The following MAPKBP1 variants were observed in gnomAD, a reference collection of about 807,000 sequenced individuals.
The protein encoded by MAPKBP1 is mitogen-activated protein kinase binding protein 1.
A neutral mutation model predicts 170.5 loss-of-function variants in MAPKBP1; 71 were observed. The observed-to-expected ratio is 0.42, with a 90% CI of 0.34 to 0.51. MAPKBP1 has a LOEUF of 0.51. Among genes scored for constraint, MAPKBP1 ranks in the 20% least tolerant of loss-of-function variants. The pLI, the probability that MAPKBP1 is intolerant of heterozygous loss-of-function variation, is 0.06. For synonymous variants in MAPKBP1, 719 were observed against 757.9 expected (o/e 0.95, Z 0.84); for missense variants, 1,598 against 1,933.0 (o/e 0.83, Z 3.25).
At chr15:41,789,747 T>A (rs1165282257) in intron 2 of MAPKBP1, among the ~76,000 whole-genome samples, 1 of 152,232 alleles carries the variant, frequency 6.6e-6, no homozygotes, top group Non-Finnish European at 1.5e-5. Flanking sequence ...AGACCCACTT[T>A]AGCTACTGAT....
At position 41,825,286 on chromosome 15, in the gene MAPKBP1, A is replaced by G; in HGVS notation, c.4377A>G (p.Arg1459=). Residue 1459 remains arginine, a synonymous_variant, in exon 31 of 31, where the codon CGA becomes CGG. Coordinates refer to ENST00000457542, the MANE Select transcript of MAPKBP1 (RefSeq NM_014994.3). The part of the protein sequence containing the change: ...QLLRDTFSSV[R]QELEAVAGAV... ...TCAGAGACACCTTCTCTTCAGTGCG[A>G]CAGGAGCTGGAAGCTGTGGCTGGGG... 6.2e-7 allele frequency: 1 copy of G among 1,612,520 alleles called. No individual in the cohort carries two copies. Among genetic ancestry groups the G allele is most frequent in the Non-Finnish European group, 8.5e-7 (1 of 1,179,020 alleles).
intron 2 of MAPKBP1, among the ~76,000 whole-genome samples, chr15:41,789,335 G>A (rs1322211497): frequency 6.6e-6 from 1 of 151,914 alleles, no homozygotes; most frequent in African/African-American, 2.4e-5. Context: ...AATTCTGCAT[G>A]CTTACATTGA....
At chr15:41,802,206 A>T (rs1273867920) in intron 3 of MAPKBP1, among the ~76,000 whole-genome samples, 1 of 152,212 alleles carries the variant, frequency 6.6e-6, no homozygotes, top group Non-Finnish European at 1.5e-5. Flanking sequence ...ACTTACCATG[A>T]ATGGAGTTTC....
intron 2 of MAPKBP1, among the ~76,000 whole-genome samples, chr15:41,794,635 C>G (rs2064454037): frequency 6.6e-6 from 1 of 152,126 alleles, no homozygotes; most frequent in Non-Finnish European, 1.5e-5. Context: ...TTTTCCTGGG[C>G]TTTCACTGTT....
intron 3 of MAPKBP1, chr15:41,810,660 C>T: frequency 1.9e-6 from 1 of 518,918 alleles, no homozygotes; most frequent in Non-Finnish European, 3.4e-6. Context: ...TGAGGCTGCA[C>T]TGAGCCATGT....
chr15:41,820,968 C>T lies in MAPKBP1; in HGVS notation c.2618C>T (p.Ala873Val), dbSNP rs771870586. The T allele has an allele frequency of 1.9e-6, 3 of 1,614,066 alleles. No individual in the cohort carries two copies. Among genetic ancestry groups the T allele is most frequent in the South Asian group, 2.2e-5 (2 of 91,086 alleles). Residue 873 changes from alanine (A) to valine (V), a missense_variant, in exon 23 of 31, where the codon GCC (alanine) becomes GTC (valine). Physicochemically the swap from Ala to Val is moderately conservative, Grantham distance 64 (BLOSUM62 0). This residue lies in a region of MAPKBP1 where 942 missense variants were observed against 953.2 expected (regional missense o/e 0.99). Coordinates refer to ENST00000457542, the MANE Select transcript of MAPKBP1 (RefSeq NM_014994.3). Reference sequence around the variant, plus strand: ...GATCTGCGGCAGCTGGAAACACTGGCCCCAAGCCTGCAGGACCCTAGCCAG... The same window carrying T: ...GATCTGCGGCAGCTGGAAACACTGGTCCCAAGCCTGCAGGACCCTAGCCAG... ...MLDLRQLETLAPSLQDPSQDS... is the reference protein window; with the variant it reads ...MLDLRQLETLVPSLQDPSQDS...
At chr15:41,774,773 A>AGCCCCGCCGCG (rs1567129217) in intron 1 of MAPKBP1, 163 bp downstream of exon 1, 1 of 399,512 alleles carries the variant, frequency 2.5e-6, no homozygotes, top group East Asian at 3.6e-5. Flanking sequence ...GGCTACGGCG[A>AGCCCCGCCGCG]GCCCCGCCGC....
At chr15:41,796,667 A>G (rs183783029) in intron 2 of MAPKBP1, among the ~76,000 whole-genome samples, 2 of 152,294 alleles carry the variant, frequency 1.3e-5, no homozygotes, top group African/African-American at 2.4e-5. Flanking sequence ...TCCTTTGAAA[A>G]TAAGCCAAGT....
Position 41,818,510 on chromosome 15 carries a change from T to C in MAPKBP1, c.2093-9T>C. ...GTGGCTTATAGACCGTATTCTTTGT[T>C]CTTCACAGAGATTGTCACTGGCATG... On this transcript the variant is annotated splice_polypyrimidine_tract_variant and intron_variant, in intron 18 of 30. Transcript: ENST00000457542. The surrounding 1 kb of genome is among the most constrained non-coding windows in gnomAD (Gnocchi z 5.2). 1 of 1,611,538 alleles carries C rather than the reference T, an allele frequency of 6.2e-7. No individual in the cohort carries two copies. The highest frequency in any genetic ancestry group is 2.2e-5 in the East Asian group (1 of 44,882).
intron 10 of MAPKBP1, 29 bp downstream of exon 10, chr15:41,814,768 C>A: frequency 6.2e-7 from 1 of 1,611,178 alleles, no homozygotes; most frequent in Non-Finnish European, 8.5e-7. Context: ...TGGCTGGAGA[C>A]TGGCCAGGTT....
chr15:41,808,138 G>A lies in MAPKBP1; in HGVS notation c.207-2745G>A, dbSNP rs1222471201. On this transcript the variant is annotated intron_variant, in intron 3 of 30. Coordinates refer to ENST00000457542, the MANE Select transcript of MAPKBP1 (RefSeq NM_014994.3). The stretch of plus-strand genomic sequence containing the variant: ...TTTTTTTTTTTGTAGACCTAGTCTC[G>A]CTCTGTCACCCAGGCTGGAGTGCCA... Among the ~76,000 whole-genome samples the A allele has an allele frequency of 5.1e-5, 6 of 118,178 alleles. No homozygotes were observed. The Admixed American group carries it at 5.8e-4, about 11-fold the overall frequency. The allele number at this position is 118,178 out of a possible 152,430, so 77.5% of individuals were successfully genotyped here.
At chr15:41,780,015 G>A (rs951948772) in intron 2 of MAPKBP1, among the ~76,000 whole-genome samples, 1 of 152,210 alleles carries the variant, frequency 6.6e-6, no homozygotes, top group Admixed American at 6.5e-5. Flanking sequence ...TGGAGAGAGA[G>A]GATGCTTCTC....
At chr15:41,791,779 C>T (rs2152071488) in intron 2 of MAPKBP1, among the ~76,000 whole-genome samples, 1 of 152,272 alleles carries the variant, frequency 6.6e-6, no homozygotes, top group South Asian at 2.1e-4. Flanking sequence ...CCTGGTTCTC[C>T]TCCTCTCTTT....
chr15:41,784,280 A>G (rs1375762357), intron 2 of MAPKBP1, among the ~76,000 whole-genome samples: 1 of 152,162 alleles, frequency 6.6e-6, no homozygotes. Flanking sequence ...TAAGGCCCGT[A>G]CAGCAGCTGT....
chr15:41,819,554 G>GGA, intron 21 of MAPKBP1, 41 bp from the exon 22 acceptor site: 1 of 1,495,298 alleles, frequency 6.7e-7, no homozygotes, highest in Non-Finnish European at 9.2e-7. Context: ...TGGCGGGGGG[G>GGA]GGGCAGGAGA....
chr15:41,821,194 G>A, intron 23 of MAPKBP1, 126 bp downstream of exon 23: 1 of 887,168 alleles, frequency 1.1e-6, no homozygotes, highest in Non-Finnish European at 1.8e-6. Flanking sequence ...TGGGTAACCT[G>A]AACTGCAAAG....
chr15:41,822,609 C>A lies in MAPKBP1; in HGVS notation c.3246C>A (p.Val1082=), dbSNP rs1272248581. The A allele has an allele frequency of 2.5e-6, 4 of 1,613,898 alleles. No homozygotes were observed. The Admixed American group carries it at 6.7e-5, about 27-fold the overall frequency. ...SGAAPGAPVQ[V]PERSESRSIS... is the part of the protein sequence containing the mutation. ...CCTTGGTAGGGGCCCCAGTGCAGGT[C>A]CCAGAGAGGTCAGAGTCTCGGAGTA... Residue 1082 remains valine, a synonymous_variant, in exon 27 of 31, where the codon GTC becomes GTA. Transcript: ENST00000457542.
rs1445937829 is a variant in MAPKBP1 at position 41,817,022 on chromosome 15, T to C, written c.1698T>C (p.Ala566=). Residue 566 remains alanine, a synonymous_variant, in exon 14 of 31, where the codon GCT becomes GCC. Transcript: ENST00000457542. This position sits in a 1 kb window ranked among gnomAD's most constrained non-coding sequence, Gnocchi z 4.2. ...ACGAACACTCATCCTCCATCACTGCTGTTAAGTTTGCAGGTGCGGGCAGGG... is the reference window on the plus strand; with the variant it reads ...ACGAACACTCATCCTCCATCACTGCCGTTAAGTTTGCAGGTGCGGGCAGGG... ...TLDEHSSSIT[A]VKFAASDGQV... The C allele has an allele frequency of 1.9e-6, 3 of 1,597,596 alleles. 1 individual carries two copies. In the Admixed American group the frequency reaches 5.1e-5, roughly 27 times the overall value.
At chr15:41,792,489 G>A (rs1307128644) in intron 2 of MAPKBP1, among the ~76,000 whole-genome samples, 1 of 152,186 alleles carries the variant, frequency 6.6e-6, no homozygotes, top group African/African-American at 2.4e-5. Context: ...GTCACAGTTT[G>A]GGTATTCTCC....
Sources: allele counts gnomAD v4.1 joint callset (sites outside exome capture counted in the v4.1 genomes callset), GRCh38; gene constraint gnomAD v4.1.1; regional missense constraint gnomAD v4.1.1; non-coding constraint Gnocchi (gnomAD v3.1); transcripts MANE v1.5; gene names NCBI Gene and HGNC (gene_info 2026-07-23, HGNC 2026-07-21).